KCTD3: variants seen among roughly 807,000 people sequenced by gnomAD.
The protein encoded by KCTD3 is BTB/POZ domain-containing protein KCTD3.
A neutral mutation model predicts 85.8 loss-of-function variants in KCTD3; 41 were observed. The observed-to-expected ratio is 0.48, with a 90% CI of 0.37 to 0.62. The LOEUF (loss-of-function observed/expected upper bound fraction) is 0.62. Ranked by LOEUF, KCTD3 falls within the 20% of genes least tolerant of loss-of-function variation. The pLI is 0.00. For missense variants in KCTD3, 724 were observed against 989.9 expected (o/e 0.73, Z 3.60); for synonymous variants, 338 against 345.4 (o/e 0.98, Z 0.24).
At chr1:215,600,697 CT>C (rs769343047) in intron 10 of KCTD3, among the ~76,000 whole-genome samples, 5 of 152,160 alleles carry the variant, frequency 3.3e-5, no homozygotes, top group African/African-American at 1.2e-4. Context: ...TAGATTTTAA[CT>C]TTTCAAATGA....
chr1:215,600,029 CT>C (rs2102588071), intron 10 of KCTD3, among the ~76,000 whole-genome samples: 1 of 152,162 alleles, frequency 6.6e-6, no homozygotes, highest in Admixed American at 6.5e-5. Context: ...AATGATTTAG[CT>C]AACTTGAGTA....
intron 11 of KCTD3, 36 bp from the exon 12 acceptor site, chr1:215,602,049 T>G (rs1266949801): frequency 1.4e-6 from 2 of 1,420,628 alleles, no homozygotes; most frequent in Non-Finnish European, 2.0e-6. Context: ...AGATATGCTA[T>G]TTATTTTAAT....
intron 4 of KCTD3, among the ~76,000 whole-genome samples, chr1:215,576,329 A>G (rs1056724434): frequency 3.3e-5 from 5 of 151,942 alleles, no homozygotes; most frequent in African/African-American, 7.2e-5. Context: ...TTAGCCTCCC[A>G]AAGTGCAGGG....
chr1:215,580,681 T>C (rs1659783304), intron 8 of KCTD3, among the ~76,000 whole-genome samples: 1 of 152,112 alleles, frequency 6.6e-6, no homozygotes, highest in African/African-American at 2.4e-5. Context: ...GGTTGGAATA[T>C]ACTAGCTTAG....
intron 15 of KCTD3, chr1:215,618,522 C>T (rs538485716): frequency 6.8e-5 from 12 of 176,424 alleles, no homozygotes; most frequent in Admixed American, 1.9e-4. Flanking sequence ...TTAGCCCTTA[C>T]GTGACTTTGG....
At chr1:215,612,158 G>C (rs1252391654) in intron 15 of KCTD3, among the ~76,000 whole-genome samples, 3 of 152,130 alleles carry the variant, frequency 2.0e-5, no homozygotes, top group African/African-American at 7.2e-5. Flanking sequence ...GATAGAATAA[G>C]AACACAGTGA....
chr1:215,603,913 A>T (rs753065934), intron 12 of KCTD3, among the ~76,000 whole-genome samples: 34 of 152,178 alleles, frequency 2.2e-4, no homozygotes, highest in Non-Finnish European at 4.4e-4. Flanking sequence ...GTGAATAGTT[A>T]CGTCTTGGAG....
intron 8 of KCTD3, among the ~76,000 whole-genome samples, chr1:215,583,773 C>T (rs954474740): frequency 6.6e-6 from 1 of 152,104 alleles, no homozygotes. Context: ...GTATTTCTGC[C>T]TATTAGGGTC....
Position 215,567,464 on chromosome 1 carries a change from G to C in KCTD3, c.-222G>C, listed in dbSNP as rs1030035984. The C allele has an allele frequency of 4.0e-6, 1 of 252,158 alleles. No homozygotes were observed. Among genetic ancestry groups the C allele is most frequent in the African/African-American group, 2.3e-5 (1 of 44,120 alleles). The allele number at this position is 252,158 out of a possible 1,614,324, so 15.6% of individuals were successfully genotyped here. ...CTGGAGGCCGCGAAAGGTGGAGGCC[G>C]GGCCGCCCTTGTGCACCGCAGGATT... On this transcript the variant is annotated 5_prime_UTR_variant, in exon 1 of 18. Coordinates refer to ENST00000259154, the MANE Select transcript of KCTD3 (RefSeq NM_016121.5).
At chr1:215,568,374 A>G (rs1250278593) in intron 1 of KCTD3, among the ~76,000 whole-genome samples, 1 of 151,394 alleles carries the variant, frequency 6.6e-6, no homozygotes, top group African/African-American at 2.4e-5. Flanking sequence ...GTGTCCAGAA[A>G]CTGCAGTTTG....
chr1:215,602,325 C>T (rs1412691748), intron 12 of KCTD3, 124 bp downstream of exon 12: 1 of 547,118 alleles, frequency 1.8e-6, no homozygotes, highest in Admixed American at 3.1e-5. Context: ...CTAAGGATTT[C>T]ATCTCTACTA....
intron 15 of KCTD3, among the ~76,000 whole-genome samples, chr1:215,614,339 GT>G (rs1230678555): frequency 5.9e-5 from 9 of 151,928 alleles, no homozygotes; most frequent in Non-Finnish European, 1.5e-5. Context: ...CCTAGAAATA[GT>G]TTTTTCTAAT....
intron 1 of KCTD3, among the ~76,000 whole-genome samples, chr1:215,572,517 C>T (rs1224799984): frequency 1.3e-5 from 2 of 152,106 alleles, no homozygotes; most frequent in African/African-American, 2.4e-5. Flanking sequence ...GTCACCCTGG[C>T]CTGCAATCCA....
chr1:215,608,578 C>G (rs112877821), intron 14 of KCTD3, among the ~76,000 whole-genome samples: 1 of 151,838 alleles, frequency 6.6e-6, no homozygotes. Flanking sequence ...TTGATGACAT[C>G]GTAATATTCA....
intron 10 of KCTD3, among the ~76,000 whole-genome samples, chr1:215,596,146 A>G (rs1660409196): frequency 6.6e-6 from 1 of 152,192 alleles, no homozygotes; most frequent in Non-Finnish European, 1.5e-5. Context: ...GATTGATGTG[A>G]GAAATTAAAG....
intron 10 of KCTD3, 26 bp from the exon 11 acceptor site, chr1:215,601,841 A>G (rs1174482765): frequency 8.0e-7 from 1 of 1,246,490 alleles, no homozygotes; most frequent in Non-Finnish European, 1.2e-6. Flanking sequence ...ACTATCTAAC[A>G]TCTGATAATA....
intron 15 of KCTD3, among the ~76,000 whole-genome samples, chr1:215,615,653 G>T (rs992230123): frequency 1.3e-5 from 2 of 151,918 alleles, no homozygotes; most frequent in African/African-American, 4.8e-5. Flanking sequence ...TGCATAGGGG[G>T]AAAAAAGTTC....
intron 10 of KCTD3, among the ~76,000 whole-genome samples, chr1:215,601,043 T>G (rs1412450736): frequency 6.6e-6 from 1 of 152,076 alleles, no homozygotes; most frequent in Non-Finnish European, 1.5e-5. Context: ...GTTCGAGCAA[T>G]TCTCCTGCCT....
chr1:215,580,982 C>G, intron 8 of KCTD3: 1 of 466,030 alleles, frequency 2.1e-6, no homozygotes, highest in Admixed American at 2.4e-5. Flanking sequence ...AGTGTTTTGG[C>G]TGGGCACGGT....
Sources: gnomAD v4.1 joint callset for allele counts (sites outside exome capture counted in the v4.1 genomes callset) on GRCh38, gnomAD v4.1.1 for gene constraint, MANE v1.5 for transcripts, NCBI Gene and HGNC (gene_info 2026-07-23, HGNC 2026-07-21) for gene names.